The following PHF21B variants were observed in gnomAD, a reference collection of about 807,000 sequenced individuals.
PHF21B encodes PHD finger protein 4.
Under a neutral mutation model 62.2 loss-of-function variants are expected in PHF21B, and 22 were observed. The ratio of observed to expected loss-of-function variants is 0.35; its 90% CI spans 0.25 to 0.51. The LOEUF (loss-of-function observed/expected upper bound fraction) is 0.51. PHF21B is among the 20% of genes least tolerant of loss of function. PHF21B has a pLI of 0.97. For synonymous variants in PHF21B, 341 were observed against 314.7 expected, an observed-to-expected ratio of 1.08 and a Z score of -0.88; for missense variants, 701 against 707.9, an observed-to-expected ratio of 0.99 and a Z score of 0.11.
At chr22:44,939,783 G>A (rs1308609746) in intron 2 of PHF21B, among the ~76,000 whole-genome samples, 2 of 152,154 alleles carry the variant, frequency 1.3e-5, no homozygotes, top group African/African-American at 2.4e-5. Context: ...AGAGGGAGAC[G>A]GGTAGAGATG....
chr22:44,962,442 C>G (rs897825324), intron 2 of PHF21B, among the ~76,000 whole-genome samples: 5 of 152,238 alleles, frequency 3.3e-5, no homozygotes, highest in Non-Finnish European at 7.3e-5. Context: ...AACATTGGCA[C>G]GGCTGATGGG....
intron 2 of PHF21B, among the ~76,000 whole-genome samples, chr22:44,984,860 G>A (rs1013946992): frequency 6.6e-6 from 1 of 152,198 alleles, no homozygotes. Context: ...AGGAACGGAC[G>A]GCACCCTGGG....
In PHF21B at chr22:44,937,457, G is replaced by A. The variant is rs140097695; in HGVS notation, c.121-16967C>T. On this transcript the variant is annotated intron_variant, in intron 2 of 12. Transcript: ENST00000313237. ...TGAGCTGGGCCATCACGGAGTAGCC[G>A]GGTCTCTCACAAACCACTGCAGGAG... Among the ~76,000 whole-genome samples the A allele has an allele frequency of 2.6e-3, 401 of 152,270 alleles. 2 individuals carry two copies. Among genetic ancestry groups the A allele is most frequent in the African/African-American group, 8.7e-3 (362 of 41,550 alleles).
chr22:44,999,360 A>G (rs895402960), intron 2 of PHF21B, among the ~76,000 whole-genome samples: 1 of 152,160 alleles, frequency 6.6e-6, no homozygotes, highest in Non-Finnish European at 1.5e-5. Flanking sequence ...GAAACCCCCC[A>G]GCTGCGAAGG....
At chr22:44,913,160 T>C (rs1327249713) in intron 5 of PHF21B, among the ~76,000 whole-genome samples, 1 of 152,192 alleles carries the variant, frequency 6.6e-6, no homozygotes, top group Non-Finnish European at 1.5e-5. Flanking sequence ...TCAGAGGCTG[T>C]GTGGGAGAGG....
chr22:45,008,439 G>C (rs1214305313), intron 2 of PHF21B, 106 bp downstream of exon 2: 8 of 1,082,192 alleles, frequency 7.4e-6, no homozygotes. Context: ...GACCCCTCTG[G>C]GAGTCTGAGC....
chr22:44,920,332 G>C, intron 3 of PHF21B, 66 bp downstream of exon 3: 1 of 1,356,926 alleles, frequency 7.4e-7, no homozygotes. Context: ...AGTGCTGAGG[G>C]GTTAGGAACA....
chr22:44,892,758 G>A (rs1471560020), intron 7 of PHF21B, among the ~76,000 whole-genome samples: 1 of 152,212 alleles, frequency 6.6e-6, no homozygotes, highest in Non-Finnish European at 1.5e-5. Flanking sequence ...TGGCTTTGGG[G>A]AGATGACATT....
At position 44,888,042 on chromosome 22, in the gene PHF21B, GC is replaced by G; in HGVS notation, c.1117del (p.Ala373ProfsTer29). On this transcript the variant is annotated frameshift_variant, in exon 10 of 13. Transcript: ENST00000313237. LOFTEE classifies it high-confidence loss of function. The part of the protein sequence containing the change: ...NLQPCGTCPG[A>X]YHLSCLEPPL... The stretch of plus-strand genomic sequence containing the variant: ...CGGCTCCAGGCAGCTGAGGTGGTAG[GC>G]CCCCGGGCAGGTGCCGCAGGGCTGC... 6.4e-7 allele frequency: 1 copy of G among 1,556,694 alleles called. No individual in the cohort carries two copies. The highest frequency in any genetic ancestry group is 1.2e-5 in the South Asian group (1 of 84,400).
chr22:44,908,747 G>A lies in PHF21B; in HGVS notation c.831+5075C>T, dbSNP rs112367070. Among the ~76,000 whole-genome samples the A allele has an allele frequency of 1.4e-3, 208 of 152,328 alleles. 1 individual carries two copies. The highest frequency in any genetic ancestry group is 4.7e-3 in the African/African-American group (196 of 41,574). On this transcript the variant is annotated intron_variant, in intron 5 of 12. Transcript: ENST00000313237. ...TCTAACTCAGACACTTCACTGACAG[G>A]TTCAAGGTCCAGCAGTCTGTGCAGC...
chr22:44,968,372 A>T (rs2072571125), intron 2 of PHF21B, among the ~76,000 whole-genome samples: 1 of 152,210 alleles, frequency 6.6e-6, no homozygotes, highest in South Asian at 2.1e-4. Flanking sequence ...GGCTGGGTAC[A>T]GCGGCTCACA....
chr22:44,987,657 A>T (rs2072974741), intron 2 of PHF21B, among the ~76,000 whole-genome samples: 1 of 151,666 alleles, frequency 6.6e-6, no homozygotes, highest in South Asian at 2.1e-4. Flanking sequence ...ACCTGTGGTC[A>T]TTACATCCGG....
intron 1 of PHF21B, chr22:45,008,885 C>G: frequency 8.5e-7 from 1 of 1,173,770 alleles, no homozygotes; most frequent in Non-Finnish European, 1.1e-6. Context: ...AGTTTGCAGG[C>G]CGGGGTGCGT....
chr22:44,981,370 C>T (rs1180978058), intron 2 of PHF21B, among the ~76,000 whole-genome samples: 1 of 152,204 alleles, frequency 6.6e-6, no homozygotes. Flanking sequence ...CAGACCTCTG[C>T]ACTCCCCGCC....
intron 3 of PHF21B, 68 bp from the exon 4 acceptor site, chr22:44,916,698 T>G: frequency 7.1e-7 from 1 of 1,400,428 alleles, no homozygotes; most frequent in Non-Finnish European, 1.0e-6. Flanking sequence ...GGGGCCGCCC[T>G]GGCTCGGAGA....
In PHF21B at chr22:44,883,116, G is replaced by C; in HGVS notation, c.1566C>G (p.Pro522=). The change falls in exon 13 of 13, where the codon CCC becomes CCG. Residue 522 remains proline (P), a synonymous_variant. Coordinates refer to ENST00000313237, the MANE Select transcript of PHF21B (RefSeq NM_138415.5). ...TGTGGCCCTGGGGGTGCTGGACGGT[G>C]GGGTGTGTGGCTGCCACTGAGGGCT... ...WTKPSVAATH[P]TVQHPQGHN is the part of the protein sequence containing the mutation. 6.2e-7 allele frequency: 1 copy of C among 1,612,262 alleles called. No homozygotes were observed. Among genetic ancestry groups the C allele is most frequent in the East Asian group, 2.2e-5 (1 of 44,886 alleles).
At chr22:44,927,591 A>G (rs947741420) in intron 2 of PHF21B, among the ~76,000 whole-genome samples, 1 of 152,090 alleles carries the variant, frequency 6.6e-6, no homozygotes, top group African/African-American at 2.4e-5. Flanking sequence ...CCCTTCCAAC[A>G]ACCGTCCATT....
At chr22:44,945,116 T>G (rs984489279) in intron 2 of PHF21B, among the ~76,000 whole-genome samples, 1 of 152,238 alleles carries the variant, frequency 6.6e-6, no homozygotes, top group Non-Finnish European at 1.5e-5. Flanking sequence ...CGAGGTTTGC[T>G]TCTCAGGTTA....
chr22:44,901,163 G>C (rs934125567), intron 5 of PHF21B, among the ~76,000 whole-genome samples: 9 of 152,232 alleles, frequency 5.9e-5, no homozygotes, highest in African/African-American at 2.2e-4. Context: ...TCTGGCAGCA[G>C]TCTGGTGCCA....
Sources: gnomAD v4.1 joint callset for allele counts (sites outside exome capture counted in the v4.1 genomes callset) on GRCh38, gnomAD v4.1.1 for gene constraint, MANE v1.5 for transcripts, NCBI Gene and HGNC (gene_info 2026-07-23, HGNC 2026-07-21) for gene names.